The following CEP63 variants were observed in gnomAD, a reference collection of about 807,000 sequenced individuals.
The protein encoded by CEP63 is centrosomal protein 63.
A neutral mutation model predicts 89.1 loss-of-function variants in CEP63; 84 were observed. The ratio of observed to expected loss-of-function variants is 0.94; its 90% CI spans 0.79 to 1.13. The LOEUF (loss-of-function observed/expected upper bound fraction) is 1.13, where lower values mean the gene tolerates loss of function less well. CEP63 is among the 50% of genes most tolerant of loss of function. CEP63 has a pLI of 0.00. For missense variants in CEP63, 838 were observed against 813.3 expected (o/e 1.03, Z -0.37); for synonymous variants, 267 against 272.5 (o/e 0.98, Z 0.20).
intron 10 of CEP63, among the ~76,000 whole-genome samples, chr3:134,581,277 T>C (rs1314376346): frequency 6.6e-6 from 1 of 152,058 alleles, no homozygotes; most frequent in Admixed American, 6.6e-5. Flanking sequence ...TATACCACAT[T>C]AACGAAATAA....
intron 6 of CEP63, among the ~76,000 whole-genome samples, chr3:134,542,075 A>G (rs1041679819): frequency 6.6e-6 from 1 of 152,206 alleles, no homozygotes; most frequent in Non-Finnish European, 1.5e-5. Flanking sequence ...AAAAAAATTA[A>G]AATATTAAGC....
chr3:134,680,968 G>A, the CEP63 span, among the ~76,000 whole-genome samples: 2 of 152,230 alleles, frequency 1.3e-5, no homozygotes, highest in African/African-American at 4.8e-5. Context: ...GAGCTTTGCA[G>A]GACAGTGGCA....
chr3:134,547,258 G>A, intron 8 of CEP63, 77 bp from the exon 9 acceptor site: 1 of 1,386,486 alleles, frequency 7.2e-7, no homozygotes, highest in Non-Finnish European at 1.0e-6. Context: ...AAAATGATGG[G>A]GAAACACAGA....
chr3:134,629,787 G>T, the CEP63 span: 1 of 781,488 alleles, frequency 1.3e-6, no homozygotes, highest in Non-Finnish European at 2.2e-6. Flanking sequence ...AAAACAATTA[G>T]TTTTAGAACT....
rs113175225 is a variant in CEP63, at chr3:134,486,301, C to T, written c.-26+99C>T. The T allele has an allele frequency of 1.5e-4, 148 of 985,520 alleles. 2 individuals carry two copies. The African/African-American group carries it at 2.3e-3, about 15-fold the overall frequency. The allele number at this position is 985,520 out of a possible 1,614,324, so 61.0% of individuals were successfully genotyped here. A position where few individuals can be genotyped will look rare whatever the true frequency, so the allele number is the denominator to read the frequency against. On this transcript the variant is annotated intron_variant, in intron 1 of 14. Transcript: ENST00000675561. Reference sequence around the variant, plus strand: ...GGGCTGCCGTGTCCTGGTCTGGAGGCGGCCCAGGCTGCCTTGGTGATTCTG... The same window carrying T: ...GGGCTGCCGTGTCCTGGTCTGGAGGTGGCCCAGGCTGCCTTGGTGATTCTG...
the CEP63 span, among the ~76,000 whole-genome samples, chr3:134,661,460 T>A: frequency 6.6e-6 from 1 of 152,206 alleles, no homozygotes; most frequent in African/African-American, 2.4e-5. Context: ...TAGGACTGTG[T>A]CTGATGTTGT....
At chr3:134,781,778 T>C in the CEP63 span, among the ~76,000 whole-genome samples, 15 of 152,256 alleles carry the variant, frequency 9.9e-5, no homozygotes, top group Non-Finnish European at 1.5e-4. Flanking sequence ...TTTTGTTTGG[T>C]CTAATGATTT....
chr3:134,638,641 C>A, the CEP63 span, among the ~76,000 whole-genome samples: 1 of 152,226 alleles, frequency 6.6e-6, no homozygotes, highest in African/African-American at 2.4e-5. Flanking sequence ...CGCCAGCTCT[C>A]CTTGCTTTTC....
the CEP63 span, among the ~76,000 whole-genome samples, chr3:134,767,021 T>C: frequency 1.3e-5 from 2 of 152,172 alleles, no homozygotes; most frequent in Non-Finnish European, 2.9e-5. Context: ...GCCACTTGGA[T>C]ACTCACCCCA....
At chr3:134,592,551 G>A (rs2107691980), downstream of CEP63, among the ~76,000 whole-genome samples, 1 of 143,658 alleles carries the variant, frequency 7.0e-6, no homozygotes, top group Admixed American at 7.3e-5. Flanking sequence ...CCAAAGATGG[G>A]CAAATGGGGT....
intron 3 of CEP63, among the ~76,000 whole-genome samples, chr3:134,519,931 C>T (rs1201519718): frequency 6.6e-6 from 1 of 152,066 alleles, no homozygotes; most frequent in Non-Finnish European, 1.5e-5. Context: ...AAGGGAATTT[C>T]CTTAATCTAG....
the CEP63 span, among the ~76,000 whole-genome samples, chr3:134,767,392 G>T: frequency 6.6e-6 from 1 of 152,128 alleles, no homozygotes; most frequent in African/African-American, 2.4e-5. Context: ...TTACAATCAG[G>T]CTGGAGGGTT....
At chr3:134,702,095 G>C in the CEP63 span, among the ~76,000 whole-genome samples, 1 of 152,046 alleles carries the variant, frequency 6.6e-6, no homozygotes, top group Non-Finnish European at 1.5e-5. Flanking sequence ...GCCAAATCAC[G>C]AATGAACTTC....
intron 3 of CEP63, among the ~76,000 whole-genome samples, chr3:134,527,197 G>A (rs552905395): frequency 7.0e-4 from 107 of 152,316 alleles, no homozygotes; most frequent in Admixed American, 2.6e-3. Context: ...TCACCACAGT[G>A]GAGGAGGCAA....
At chr3:134,713,075 T>C in the CEP63 span, among the ~76,000 whole-genome samples, 3 of 152,218 alleles carry the variant, frequency 2.0e-5, no homozygotes, top group Non-Finnish European at 4.4e-5. Flanking sequence ...CAAATAATAC[T>C]GAACTCTCAA....
chr3:134,527,885 G>A (rs1948985864), intron 3 of CEP63, among the ~76,000 whole-genome samples: 1 of 152,194 alleles, frequency 6.6e-6, no homozygotes, highest in Non-Finnish European at 1.5e-5. Context: ...GGGTCCAACA[G>A]TTGCCTTAGA....
At chr3:134,507,079 G>C in intron 2 of CEP63, 30 bp from the exon 3 acceptor site, 1 of 1,592,016 alleles carries the variant, frequency 6.3e-7, no homozygotes, top group Non-Finnish European at 8.6e-7. Flanking sequence ...CATATCTTCT[G>C]TTTTTTTAAT....
chr3:134,651,427 G>T, the CEP63 span: 13 of 1,079,512 alleles, frequency 1.2e-5, no homozygotes, highest in East Asian at 8.2e-5. Flanking sequence ...TACAGAAATC[G>T]CACAGTGCTG....
the CEP63 span, among the ~76,000 whole-genome samples, chr3:134,646,728 G>T: frequency 6.6e-6 from 1 of 152,146 alleles, no homozygotes; most frequent in African/African-American, 2.4e-5. Context: ...TGATCCTAGG[G>T]CTCACATAGC....
Sources: gnomAD v4.1 joint callset for allele counts (sites outside exome capture counted in the v4.1 genomes callset) on GRCh38, gnomAD v4.1.1 for gene constraint, MANE v1.5 for transcripts, NCBI Gene and HGNC (gene_info 2026-07-23, HGNC 2026-07-21) for gene names.